Variants in ZSCAN5C observed in about 807,000 individuals in gnomAD.
ZSCAN5C encodes the protein zinc finger and SCAN domain containing 5C.
ZSCAN5C carries 11 observed loss-of-function variants against 17.3 expected under a neutral mutation model. The observed-to-expected ratio is 0.64, with a 90% CI of 0.40 to 1.06. ZSCAN5C has a LOEUF of 1.06. ZSCAN5C is among the 50% of genes least tolerant of loss of function. ZSCAN5C has a pLI of 0.00. For synonymous variants in ZSCAN5C, 229 were observed against 208.4 expected, an observed-to-expected ratio of 1.10 and a Z score of -0.85; for missense variants, 698 against 538.9, an observed-to-expected ratio of 1.30 and a Z score of -2.92.
At chr19:56,206,737 G>T (rs1169359244) in intron 2 of ZSCAN5C, among the ~76,000 whole-genome samples, 1 of 151,904 alleles carries the variant, frequency 6.6e-6, no homozygotes, top group African/African-American at 2.4e-5. Context: ...CCATCCTGAG[G>T]CAGGGAAAGT....
intron 1 of ZSCAN5C, among the ~76,000 whole-genome samples, chr19:56,204,233 C>T (rs946784703): frequency 2.0e-5 from 3 of 150,910 alleles, no homozygotes; most frequent in East Asian, 1.9e-4. Context: ...GTACCTGCCC[C>T]AGAGCGGGAT....
At chr19:56,209,162 C>G in exon 5 of ZSCAN5C, 1 of 1,175,196 alleles carries the variant, frequency 8.5e-7, no homozygotes, top group Non-Finnish European at 1.2e-6. Flanking sequence ...GACCTTAAGA[C>G]GCCACCAGAA....
At chr19:56,208,811 C>T (rs745417441) in exon 5 of ZSCAN5C, 8 of 1,560,002 alleles carry the variant, frequency 5.1e-6, no homozygotes, top group East Asian at 4.5e-5. Flanking sequence ...GTTTAAGTAT[C>T]GCGGCAAGTT....
exon 5 of ZSCAN5C, chr19:56,208,761 A>T: frequency 6.2e-7 from 1 of 1,604,768 alleles, no homozygotes; most frequent in Non-Finnish European, 8.5e-7. Context: ...CAAGAAGTCA[A>T]GGAACTGCTG....
chr19:56,206,722 A>G (rs1481116426), intron 2 of ZSCAN5C, among the ~76,000 whole-genome samples: 1 of 151,850 alleles, frequency 6.6e-6, no homozygotes, highest in East Asian at 1.9e-4. Flanking sequence ...GGGGGCCCAG[A>G]AATACCATCC....
At chr19:56,208,728 G>T in exon 5 of ZSCAN5C, 1 of 1,612,084 alleles carries the variant, frequency 6.2e-7, no homozygotes, top group Non-Finnish European at 8.5e-7. Context: ...GGCCCTGCGG[G>T]CCCAGTCAGT....
Position 56,206,354 on chromosome 19 carries a change from G to A in ZSCAN5C, c.384+57G>A, listed in dbSNP as rs997095095. The A allele has an allele frequency of 3.4e-5, 47 of 1,399,672 alleles. No homozygotes were observed. In the East Asian group the frequency reaches 3.5e-4, roughly 10 times the overall value. 86.7% of individuals were successfully genotyped at this position (1,399,672 alleles called of 1,614,324 possible). The stretch of plus-strand genomic sequence containing the variant: ...AGGGGAGCTGGGATGGGGGCTGCAT[G>A]GTGCAGCTGGACTCGAGAGGACCCG... On this transcript the variant is annotated intron_variant, in intron 2 of 4. Transcript: ENST00000534327.
intron 1 of ZSCAN5C, among the ~76,000 whole-genome samples, chr19:56,204,473 A>T: frequency 6.6e-6 from 1 of 151,532 alleles, no homozygotes; most frequent in Non-Finnish European, 1.5e-5. Flanking sequence ...GATGACGAGC[A>T]CCTTTTCCTA....
exon 2 of ZSCAN5C, chr19:56,206,147 C>T (rs1233280660): frequency 6.2e-7 from 1 of 1,603,960 alleles, no homozygotes; most frequent in Non-Finnish European, 8.5e-7. Flanking sequence ...CCGACCTCCA[C>T]ACCAAAGAGC....
exon 5 of ZSCAN5C, chr19:56,208,479 A>G: frequency 6.8e-7 from 1 of 1,470,366 alleles, no homozygotes; most frequent in Non-Finnish European, 9.5e-7. Context: ...GAGGGGAAGG[A>G]ACCCCAAAAA....
intron 1 of ZSCAN5C, among the ~76,000 whole-genome samples, 193 bp from the exon 2 acceptor site, chr19:56,205,594 G>A (rs1363691217): frequency 6.6e-6 from 1 of 151,842 alleles, no homozygotes; most frequent in Admixed American, 6.6e-5. Context: ...AGAATCCAGG[G>A]GAGTATTCAG....
Position 56,204,099 on chromosome 19 carries a change from T to C in ZSCAN5C, c.-127-1688T>C, listed in dbSNP as rs151034782. 4.5e-4 allele frequency among the ~76,000 whole-genome samples: 69 copies of C among 152,060 alleles called. No individual in the cohort carries two copies. The East Asian group carries it at 5.8e-3, about 13-fold the overall frequency. On this transcript the variant is annotated intron_variant, in intron 1 of 4. Transcript: ENST00000534327. ...TTGAGTGATGCTGAGGTTTGAGGTA[T>C]GACTCTACCCATCACCCAGGATGTG...
intron 2 of ZSCAN5C, among the ~76,000 whole-genome samples, chr19:56,206,578 C>T (rs2032924067): frequency 6.6e-6 from 1 of 151,806 alleles, no homozygotes; most frequent in South Asian, 2.1e-4. Context: ...ACGGCAAGTT[C>T]CTGGTGTAGG....
rs1043290028 is a variant in ZSCAN5C at position 56,208,620 on chromosome 19, C to G, written c.911C>G (p.Ala304Gly). 12 of 1,607,552 alleles carry G rather than the reference C, an allele frequency of 7.5e-6. No homozygotes were observed. The East Asian group carries it at 1.8e-4, about 24-fold the overall frequency. ...GGTCTCAAAAGAAGCAAACCAGACG[C>G]CACCTCCATTTCCCAAGAAGAGCCT... Residue 304 changes from alanine (A) to glycine (G), a missense_variant, in exon 5 of 5, where the codon GCC becomes GGC. Physicochemically the swap from Ala to Gly is moderately conservative, Grantham distance 60. Around this residue, in one of 3 missense-constraint regions of ZSCAN5C, gnomAD observed 554 missense variants for 390.5 expected, o/e 1.42. Coordinates refer to ENST00000534327, the Ensembl canonical transcript of ZSCAN5C.
exon 2 of ZSCAN5C, chr19:56,205,865 C>T: frequency 2.4e-6 from 2 of 820,776 alleles, no homozygotes; most frequent in Non-Finnish European, 4.1e-6. Context: ...TAGACACCGG[C>T]TTCTGGAAGA....
chr19:56,204,091 T>C (rs963145117), intron 1 of ZSCAN5C, among the ~76,000 whole-genome samples: 1 of 151,908 alleles, frequency 6.6e-6, no homozygotes, highest in African/African-American at 2.4e-5. Flanking sequence ...ATGCTGAGGT[T>C]TGAGGTATGA....
Position 56,205,772 on chromosome 19 carries a change from T to C in ZSCAN5C, c.-127-15T>C. ...GTAGAAACTTTAACAGAGCTCATGC[T>C]TTTTTTCCCTGCAGACTTCTGAATG... is the stretch of plus-strand genomic sequence containing the variant. On this transcript the variant is annotated splice_polypyrimidine_tract_variant and intron_variant, in intron 1 of 4. Transcript: ENST00000534327. The C allele has an allele frequency of 1.7e-6, 1 of 580,782 alleles. No individual in the cohort carries two copies. Among genetic ancestry groups the C allele is most frequent in the South Asian group, 2.2e-5 (1 of 44,878 alleles). 36.0% of individuals were successfully genotyped at this position (580,782 alleles called of 1,614,324 possible).
At chr19:56,209,412 T>C (rs2032965077), downstream of ZSCAN5C, 1 of 489,538 alleles carries the variant, frequency 2.0e-6, no homozygotes, top group South Asian at 4.0e-5. Context: ...TTTATTTTGG[T>C]TTGTGTTGCT....
rs1404122554 is a variant in ZSCAN5C at position 56,206,064 on chromosome 19, A to G, written c.151A>G (p.Ser51Gly). The G allele has an allele frequency of 3.1e-6, 5 of 1,612,776 alleles. No individual in the cohort carries two copies. In the Admixed American group the frequency reaches 8.3e-5, roughly 27 times the overall value. The change falls in exon 2 of 5, where the codon AGC becomes GGC. Residue 51 changes from serine (S) to glycine (G), a missense_variant. By Grantham distance (56) the Ser-to-Gly change is moderately conservative (BLOSUM62 0). Coordinates refer to ENST00000534327, the Ensembl canonical transcript of ZSCAN5C. Reference sequence around the variant, plus strand: ...TTGTCACGTGAACTTCAGGATGTTCAGCTGCCCGAAGGAGTCGGACCCCAT... The same window carrying G: ...TTGTCACGTGAACTTCAGGATGTTCGGCTGCCCGAAGGAGTCGGACCCCAT...
Sources: allele counts gnomAD v4.1 joint callset (sites outside exome capture counted in the v4.1 genomes callset), GRCh38; gene constraint gnomAD v4.1.1; regional missense constraint gnomAD v4.1.1; transcripts MANE v1.5; gene names NCBI Gene and HGNC (gene_info 2026-07-23, HGNC 2026-07-21).